PLCB4: variants seen among roughly 807,000 people sequenced by gnomAD.
PLCB4 encodes 1-phosphatidylinositol 4,5-bisphosphate phosphodiesterase beta-4.
In PLCB4, 77 loss-of-function variants were observed where a neutral mutation model predicts 178.8. That is an observed-to-expected ratio of 0.43 (90% CI 0.36 to 0.52). The LOEUF is 0.52. Among genes scored for constraint, PLCB4 ranks in the 20% least tolerant of loss-of-function variants. The pLI is 0.00. For synonymous variants in PLCB4, 496 were observed against 490.8 expected (o/e 1.01, Z -0.14); for missense variants, 1,024 against 1,453.4 (o/e 0.70, Z 4.80).
chr20:9,243,652 G>A (rs888044695), intron 3 of PLCB4, among the ~76,000 whole-genome samples: 1 of 152,156 alleles, frequency 6.6e-6, no homozygotes, highest in Non-Finnish European at 1.5e-5. Flanking sequence ...TTTCAAATCC[G>A]AATGTATCTG....
chr20:9,285,828 G>C (rs566729338), intron 3 of PLCB4, among the ~76,000 whole-genome samples: 1 of 151,982 alleles, frequency 6.6e-6, no homozygotes, highest in Non-Finnish European at 1.5e-5. Context: ...CAGGGTCAAG[G>C]CCAGCATTCG....
At chr20:9,082,025 C>T (rs2090174131) in intron 1 of PLCB4, among the ~76,000 whole-genome samples, 1 of 150,864 alleles carries the variant, frequency 6.6e-6, no homozygotes, top group Non-Finnish European at 1.5e-5. Flanking sequence ...TAGGCACATA[C>T]TCATATTGTT....
At chr20:9,129,175 C>A (rs1288772362) in intron 2 of PLCB4, among the ~76,000 whole-genome samples, 2 of 152,100 alleles carry the variant, frequency 1.3e-5, no homozygotes, top group African/African-American at 4.8e-5. Flanking sequence ...TGGTACTTAG[C>A]ATTTTTATGC....
At chr20:9,199,427 C>A (rs1283826131) in intron 2 of PLCB4, among the ~76,000 whole-genome samples, 1 of 152,144 alleles carries the variant, frequency 6.6e-6, no homozygotes, top group African/African-American at 2.4e-5. Context: ...ACCTAAAGGA[C>A]GGTACGTTGA....
intron 2 of PLCB4, among the ~76,000 whole-genome samples, chr20:9,100,479 T>C (rs1210320948): frequency 1.3e-5 from 2 of 151,994 alleles, no homozygotes; most frequent in Non-Finnish European, 2.9e-5. Flanking sequence ...ACAGGAAAAT[T>C]AAAGAAAAAT....
At chr20:9,233,014 C>T (rs1258845844) in intron 3 of PLCB4, among the ~76,000 whole-genome samples, 1 of 152,032 alleles carries the variant, frequency 6.6e-6, no homozygotes. Context: ...GTCATTCATT[C>T]CCCAGAGTGC....
At chr20:9,240,833 G>A (rs1395068678) in intron 3 of PLCB4, among the ~76,000 whole-genome samples, 1 of 152,160 alleles carries the variant, frequency 6.6e-6, no homozygotes, top group Non-Finnish European at 1.5e-5. Context: ...GGGGAGATGA[G>A]TAACAAACAC....
intron 2 of PLCB4, among the ~76,000 whole-genome samples, chr20:9,150,416 A>G (rs765209929): frequency 2.0e-5 from 3 of 152,144 alleles, no homozygotes; most frequent in Non-Finnish European, 4.4e-5. Context: ...GTATACATAT[A>G]CTGTCATGCA....
At chr20:9,298,560 A>G (rs1437725847) in intron 3 of PLCB4, among the ~76,000 whole-genome samples, 2 of 152,092 alleles carry the variant, frequency 1.3e-5, no homozygotes, top group African/African-American at 4.8e-5. Context: ...TGAAACCTAT[A>G]ACACGATCAC....
chr20:9,385,811 T>C (rs1051259898), intron 14 of PLCB4, among the ~76,000 whole-genome samples: 29 of 147,908 alleles, frequency 2.0e-4, no homozygotes, highest in African/African-American at 7.0e-4. Flanking sequence ...TCCCAGACGA[T>C]GGGCAGCCAG....
chr20:9,195,068 C>T (rs1195115116), intron 2 of PLCB4, among the ~76,000 whole-genome samples: 1 of 152,122 alleles, frequency 6.6e-6, no homozygotes, highest in Admixed American at 6.5e-5. Flanking sequence ...CAATTTTAGT[C>T]TAGAAAAATA....
At chr20:9,244,042 A>G (rs1056835294) in intron 3 of PLCB4, among the ~76,000 whole-genome samples, 6 of 152,174 alleles carry the variant, frequency 3.9e-5, no homozygotes, top group African/African-American at 1.4e-4. Flanking sequence ...GTCCTATGAC[A>G]TGTATGGTAG....
At chr20:9,376,853 A>C (rs2036719834) in intron 12 of PLCB4, among the ~76,000 whole-genome samples, 1 of 152,124 alleles carries the variant, frequency 6.6e-6, no homozygotes, top group Non-Finnish European at 1.5e-5. Flanking sequence ...GAGTAGCTTT[A>C]CTTTCTTGTT....
At chr20:9,173,335 A>C (rs2093096945) in intron 2 of PLCB4, among the ~76,000 whole-genome samples, 1 of 152,204 alleles carries the variant, frequency 6.6e-6, no homozygotes, top group Non-Finnish European at 1.5e-5. Context: ...GATTTACCTC[A>C]TCTCCTGATA....
chr20:9,312,162 A>G (rs2094842118), intron 4 of PLCB4, among the ~76,000 whole-genome samples: 1 of 151,882 alleles, frequency 6.6e-6, no homozygotes, highest in Admixed American at 6.6e-5. Context: ...CAGGGGTTCA[A>G]ATGTTTTATG....
At chr20:9,357,601 A>G (rs1305793940) in intron 7 of PLCB4, among the ~76,000 whole-genome samples, 2 of 152,144 alleles carry the variant, frequency 1.3e-5, no homozygotes, top group African/African-American at 4.8e-5. Flanking sequence ...TTGGGAGGTG[A>G]TTAGGTCATG....
chr20:9,310,311 T>A (rs531520371), intron 4 of PLCB4, among the ~76,000 whole-genome samples: 6 of 152,202 alleles, frequency 3.9e-5, no homozygotes, highest in African/African-American at 1.4e-4. Context: ...ATAGCAAAGG[T>A]ACCTTTTGTG....
chr20:9,252,685 G>A (rs532340289), intron 3 of PLCB4, among the ~76,000 whole-genome samples: 3 of 152,202 alleles, frequency 2.0e-5, no homozygotes, highest in Admixed American at 6.5e-5. Context: ...GAAGAAATTA[G>A]TAAAGAAGAT....
intron 38 of PLCB4, among the ~76,000 whole-genome samples, chr20:9,474,172 G>A (rs966236610): frequency 1.3e-5 from 2 of 149,828 alleles, no homozygotes; most frequent in African/African-American, 2.5e-5. Context: ...AGCCGAGATC[G>A]CACCACTGCA....
Sources: gnomAD v4.1 joint callset for allele counts (sites outside exome capture counted in the v4.1 genomes callset) on GRCh38, gnomAD v4.1.1 for gene constraint, MANE v1.5 for transcripts, NCBI Gene and HGNC (gene_info 2026-07-23, HGNC 2026-07-21) for gene names.